The following GNPTAB variants were observed in gnomAD, a reference collection of about 807,000 sequenced individuals.
GNPTAB encodes N-acetylglucosamine-1-phosphotransferase subunits alpha/beta.
GNPTAB carries 92 observed loss-of-function variants against 136.6 expected under a neutral mutation model. The ratio of observed to expected loss-of-function variants is 0.67; its 90% CI spans 0.57 to 0.80. The LOEUF (loss-of-function observed/expected upper bound fraction) is 0.80. Among genes scored for constraint, GNPTAB ranks in the 30% least tolerant of loss-of-function variants. The probability of loss-of-function intolerance (pLI) is 0.00; values close to 1 mark genes in which losing one functional copy is unlikely to be tolerated. For synonymous variants in GNPTAB, 512 were observed against 535.1 expected (o/e 0.96, Z 0.60); for missense variants, 1,343 against 1,501.8 (o/e 0.89, Z 1.75).
chr12:101,761,236 T>A lies in GNPTAB; in HGVS notation c.3026A>T (p.Asn1009Ile). Residue 1009 changes from asparagine to isoleucine, a missense_variant, in exon 15 of 21, where the codon AAT becomes ATT. Physicochemically the swap from Asn to Ile is moderately radical, Grantham distance 149. Transcript: ENST00000299314. The part of the protein sequence containing the change: ...YYLMSAVQPL[N>I]ISQVFDEVDT... ...AACTTCATCAAAGACTTGAGATATATTCAGTGGCTGCACTGCACTCATGAG... is the reference window on the plus strand; with the variant it reads ...AACTTCATCAAAGACTTGAGATATAATCAGTGGCTGCACTGCACTCATGAG... The A allele has an allele frequency of 6.2e-7, 1 of 1,613,844 alleles. No individual in the cohort carries two copies. Among genetic ancestry groups the A allele is most frequent in the South Asian group, 1.1e-5 (1 of 91,064 alleles).
Position 101,795,327 on chromosome 12 carries a change from T to C in GNPTAB, c.203+1350A>G, listed in dbSNP as rs530812881. On this transcript the variant is annotated intron_variant, in intron 2 of 20. Coordinates refer to ENST00000299314, the MANE Select transcript of GNPTAB (RefSeq NM_024312.5). ...TATTAAGGAATGGTCCTCAAACTTT[T>C]ACTGTTTGGTCCCTTAAAATTAAAA... Among the ~76,000 whole-genome samples the C allele has an allele frequency of 2.6e-5, 4 of 152,340 alleles. No homozygotes were observed. The East Asian group carries it at 7.7e-4, about 29-fold the overall frequency.
intron 1 of GNPTAB, among the ~76,000 whole-genome samples, chr12:101,802,168 A>T (rs1363156031): frequency 6.6e-6 from 1 of 150,422 alleles, no homozygotes; most frequent in Non-Finnish European, 1.5e-5. Context: ...AGTACACTCA[A>T]GCCTGGATGA....
intron 18 of GNPTAB, chr12:101,756,216 AG>A (rs1246107924): frequency 3.7e-5 from 6 of 161,702 alleles, no homozygotes; most frequent in Non-Finnish European, 6.8e-5. Flanking sequence ...GACACTAAAT[AG>A]GTGTTAAAGG....
chr12:101,804,179 C>T (rs1300905663), intron 1 of GNPTAB, among the ~76,000 whole-genome samples: 1 of 152,078 alleles, frequency 6.6e-6, no homozygotes, highest in Admixed American at 6.6e-5. Context: ...AGCATCACTG[C>T]ACTACAGCCT....
intron 12 of GNPTAB, 42 bp downstream of exon 12, chr12:101,766,049 T>A: frequency 6.6e-7 from 1 of 1,519,236 alleles, no homozygotes; most frequent in Non-Finnish European, 9.1e-7. Flanking sequence ...CTGTCAAGGA[T>A]GTTTTATGCT....
At chr12:101,808,074 G>T (rs776106212) in intron 1 of GNPTAB, among the ~76,000 whole-genome samples, 6 of 152,162 alleles carry the variant, frequency 3.9e-5, no homozygotes, top group Non-Finnish European at 8.8e-5. Flanking sequence ...GAATATGTAT[G>T]AAATCTTTGT....
chr12:101,788,010 T>C (rs1444718234), intron 4 of GNPTAB, among the ~76,000 whole-genome samples: 1 of 150,616 alleles, frequency 6.6e-6, no homozygotes, highest in Non-Finnish European at 1.5e-5. Context: ...AGTGGGGAGG[T>C]GACAATTAAC....
At chr12:101,796,908 C>T (rs1203633929) in intron 1 of GNPTAB, 146 bp from the exon 2 acceptor site, 11 of 630,714 alleles carry the variant, frequency 1.7e-5, no homozygotes, top group South Asian at 1.7e-4. Context: ...CCACATACAT[C>T]GTGTTAGATC....
chr12:101,772,076 C>T (rs774972080), intron 7 of GNPTAB, among the ~76,000 whole-genome samples: 14 of 152,192 alleles, frequency 9.2e-5, no homozygotes, highest in African/African-American at 1.7e-4. Flanking sequence ...TAAATCTAAG[C>T]GTGAACATCA....
At chr12:101,814,829 AATGTCTATTTAATAGAAG>A (rs1870434604) in intron 1 of GNPTAB, among the ~76,000 whole-genome samples, 1 of 152,220 alleles carries the variant, frequency 6.6e-6, no homozygotes, top group Non-Finnish European at 1.5e-5. Flanking sequence ...AAATCTCTTT[AATGTCTATTTAATAGAAG>A]ACAATATCTG....
At chr12:101,750,856 T>C (rs1952805733) in intron 19 of GNPTAB, among the ~76,000 whole-genome samples, 1 of 152,220 alleles carries the variant, frequency 6.6e-6, no homozygotes, top group South Asian at 2.1e-4. Context: ...ATTTCCCTTT[T>C]AAAGTGTCTC....
chr12:101,759,916 A>T, intron 16 of GNPTAB, 114 bp downstream of exon 16: 1 of 742,328 alleles, frequency 1.3e-6, no homozygotes, highest in South Asian at 1.4e-5. Flanking sequence ...CAACAAAGAC[A>T]TATAAAACCA....
chr12:101,764,931 C>T lies in GNPTAB; in HGVS notation c.1986G>A (p.Ala662=), dbSNP rs112000802. 1.4e-4 allele frequency: 226 copies of T among 1,614,134 alleles called. No homozygotes were observed. The African/African-American group carries it at 2.3e-3, about 16-fold the overall frequency. ...TGGGAATATCCTCAAAAAGGATTTC[C>T]GCCTCTGGAAGAAGTGTTATGGGAC... ...LVSPITLLPE[A]EILFEDIPKE... is the part of the protein sequence containing the mutation. The change falls in exon 13 of 21, where the codon GCG becomes GCA. Residue 662 remains alanine (A), a synonymous_variant. Transcript: ENST00000299314.
Position 101,770,022 on chromosome 12 carries a change from T to C in GNPTAB, c.1283A>G (p.Lys428Arg), listed in dbSNP as rs145281185. 1.4e-5 allele frequency: 22 copies of C among 1,613,898 alleles called. No homozygotes were observed. The African/African-American group carries it at 2.8e-4, about 21-fold the overall frequency. Residue 428 changes from lysine to arginine, a missense_variant and splice_region_variant, in exon 10 of 21, where the codon AAG (lysine) becomes AGG (arginine). Physicochemically the swap from Lys to Arg is conservative, Grantham distance 26 (BLOSUM62 2). Coordinates refer to ENST00000299314, the MANE Select transcript of GNPTAB (RefSeq NM_024312.5). The part of the protein sequence containing the change: ...DDFYSHSKGQ[K>R]VYLTWPVPNC... ...ACCCCCCTCCTCTTAGGCACTCACC[T>C]TCTGGCCTTTGGAGTGACTGTAAAA...
chr12:101,813,638 T>G (rs1870351321), intron 1 of GNPTAB, among the ~76,000 whole-genome samples: 1 of 152,220 alleles, frequency 6.6e-6, no homozygotes, highest in South Asian at 2.1e-4. Context: ...AACGTATGTT[T>G]CTTGTTAAAT....
chr12:101,784,884 C>T (rs1412009457), intron 5 of GNPTAB, among the ~76,000 whole-genome samples: 4 of 152,090 alleles, frequency 2.6e-5, no homozygotes, highest in African/African-American at 9.7e-5. Context: ...CAAATAGAGA[C>T]AATCCATGCA....
chr12:101,799,504 T>C (rs1477605081), intron 1 of GNPTAB, among the ~76,000 whole-genome samples: 1 of 152,146 alleles, frequency 6.6e-6, no homozygotes, highest in African/African-American at 2.4e-5. Context: ...AGCATCAGGA[T>C]TTAAAGCAGG....
Position 101,766,067 on chromosome 12 carries a change from T to TTA in GNPTAB, c.1612+22_1612+23dup, listed in dbSNP as rs771804828. On this transcript the variant is annotated intron_variant, in intron 12 of 20. Coordinates refer to ENST00000299314, the MANE Select transcript of GNPTAB (RefSeq NM_024312.5). The stretch of plus-strand genomic sequence containing the variant: ...TCAAGGATGTTTTATGCTCCCATTC[T>TTA]TATTTGTTTGGCAGTAAACATACCT... The TTA allele has an allele frequency of 2.4e-5, 38 of 1,602,390 alleles. No homozygotes were observed. The Middle Eastern group carries it at 8.8e-4, about 37-fold the overall frequency.
chr12:101,807,292 G>A (rs980740807), intron 1 of GNPTAB, among the ~76,000 whole-genome samples: 2 of 152,148 alleles, frequency 1.3e-5, no homozygotes, highest in Non-Finnish European at 2.9e-5. Flanking sequence ...GTTTGATAGA[G>A]CATCCACAAA....
Sources: allele counts gnomAD v4.1 joint callset (sites outside exome capture counted in the v4.1 genomes callset), GRCh38; gene constraint gnomAD v4.1.1; transcripts MANE v1.5; gene names NCBI Gene and HGNC (gene_info 2026-07-23, HGNC 2026-07-21).